The following TMEM150C variants were observed in gnomAD, a reference collection of about 807,000 sequenced individuals.
The protein encoded by TMEM150C is tentonin 3.
In TMEM150C, 10 loss-of-function variants were observed where a neutral mutation model predicts 29.9. The ratio of observed to expected loss-of-function variants is 0.33; its 90% CI spans 0.21 to 0.57. TMEM150C has a LOEUF of 0.57. TMEM150C is among the 20% of genes least tolerant of loss of function. The pLI is 0.88. For synonymous variants in TMEM150C, 101 were observed against 112.5 expected (o/e 0.90, Z 0.64); for missense variants, 251 against 303.6 (o/e 0.83, Z 1.29).
At chr4:82,549,260 C>T (rs903395597) in intron 1 of TMEM150C, among the ~76,000 whole-genome samples, 5 of 152,020 alleles carry the variant, frequency 3.3e-5, no homozygotes, top group African/African-American at 1.2e-4. Flanking sequence ...GGTATATATA[C>T]TATGGAATAT....
chr4:82,559,823 T>A (rs187825614), intron 1 of TMEM150C, among the ~76,000 whole-genome samples: 167 of 152,334 alleles, frequency 1.1e-3, no homozygotes, highest in African/African-American at 3.7e-3. Flanking sequence ...GTTACTGAAC[T>A]GATCCCAAAT....
chr4:82,485,487 C>T lies in TMEM150C; in HGVS notation c.*24G>A. The T allele has an allele frequency of 6.4e-7, 1 of 1,567,288 alleles. No individual in the cohort carries two copies. The highest frequency in any genetic ancestry group is 8.7e-7 in the Non-Finnish European group (1 of 1,153,920). The stretch of plus-strand genomic sequence containing the variant: ...CCCTCCCCCACTGTCACACCCACCT[C>T]ACCAGCAAGGAAAAACTGATGGTTT... On this transcript the variant is annotated 3_prime_UTR_variant, in exon 8 of 8. Transcript: ENST00000449862.
At chr4:82,530,514 G>A (rs551226335) in intron 1 of TMEM150C, among the ~76,000 whole-genome samples, 16 of 152,136 alleles carry the variant, frequency 1.1e-4, no homozygotes, top group Admixed American at 3.9e-4. Flanking sequence ...CCAAGATCGC[G>A]CCACCGCACT....
chr4:82,556,110 G>T (rs762438289), intron 1 of TMEM150C, among the ~76,000 whole-genome samples: 13 of 151,798 alleles, frequency 8.6e-5, no homozygotes, highest in Non-Finnish European at 1.6e-4. Context: ...TTTCTTGGAG[G>T]GGGGATTACA....
intron 1 of TMEM150C, among the ~76,000 whole-genome samples, chr4:82,548,943 G>C (rs754915679): frequency 3.7e-4 from 57 of 152,250 alleles, no homozygotes; most frequent in Non-Finnish European, 1.9e-4. Context: ...AGGTGAGCCA[G>C]AGAGGTGGGC....
intron 1 of TMEM150C, among the ~76,000 whole-genome samples, chr4:82,538,981 C>T (rs1725110255): frequency 6.6e-6 from 1 of 152,100 alleles, no homozygotes; most frequent in African/African-American, 2.4e-5. Flanking sequence ...GTGGGAGGAT[C>T]ACTTGAGCCT....
chr4:82,526,033 T>C (rs1242029007), intron 1 of TMEM150C, among the ~76,000 whole-genome samples: 1 of 152,140 alleles, frequency 6.6e-6, no homozygotes, highest in Non-Finnish European at 1.5e-5. Flanking sequence ...GCCTCCATAA[T>C]AGCTGGGACT....
intron 1 of TMEM150C, among the ~76,000 whole-genome samples, chr4:82,523,014 T>C (rs1158767591): frequency 6.6e-6 from 1 of 152,142 alleles, no homozygotes; most frequent in African/African-American, 2.4e-5. Flanking sequence ...TCAGGAGCCC[T>C]GACCAAAGTT....
intron 1 of TMEM150C, among the ~76,000 whole-genome samples, chr4:82,561,015 C>G (rs1182330447): frequency 1.3e-5 from 2 of 152,208 alleles, no homozygotes; most frequent in African/African-American, 4.8e-5. Flanking sequence ...GAAAGGCGGT[C>G]TGGCCGGAAT....
At position 82,489,009 on chromosome 4, in the gene TMEM150C, TC is replaced by T. The variant is rs1347703869; in HGVS notation, c.541+1051del. 5.5e-5 allele frequency among the ~76,000 whole-genome samples: 8 copies of T among 146,220 alleles called. No individual in the cohort carries two copies. The South Asian group carries it at 1.2e-3, about 22-fold the overall frequency. On this transcript the variant is annotated intron_variant, in intron 7 of 7. Transcript: ENST00000449862. ...GGGCTCAAGCCAGCCCACCTCAGCCTCCCCAGTAGCTGGGATTACAGGTGCT... is the reference window on the plus strand; with the variant it reads ...GGGCTCAAGCCAGCCCACCTCAGCCTCCCAGTAGCTGGGATTACAGGTGCT...
chr4:82,541,288 T>G (rs528089842), intron 1 of TMEM150C, among the ~76,000 whole-genome samples: 1 of 152,304 alleles, frequency 6.6e-6, no homozygotes, highest in South Asian at 2.1e-4. Context: ...GGGTAGATCA[T>G]AGTTGTTCAC....
intron 1 of TMEM150C, among the ~76,000 whole-genome samples, chr4:82,520,648 C>T (rs1049891628): frequency 2.0e-5 from 3 of 152,208 alleles, no homozygotes; most frequent in East Asian, 1.9e-4. Context: ...TATACCAGCA[C>T]GGAGGTGGGT....
At chr4:82,492,864 G>GTGTGTATATATATA (rs71666742) in intron 6 of TMEM150C, among the ~76,000 whole-genome samples, 7 of 90,276 alleles carry the variant, frequency 7.8e-5, no homozygotes, top group South Asian at 3.8e-4. Context: ...ATATGTTTGT[G>GTGTGTATATATATA]TATATATATA....
intron 1 of TMEM150C, among the ~76,000 whole-genome samples, chr4:82,506,648 A>G (rs1412267505): frequency 2.6e-5 from 4 of 152,372 alleles, no homozygotes; most frequent in Non-Finnish European, 5.9e-5. Context: ...AAGCTATTGT[A>G]TGAACTAGTG....
At chr4:82,491,835 T>C (rs192112116) in intron 6 of TMEM150C, among the ~76,000 whole-genome samples, 1 of 152,100 alleles carries the variant, frequency 6.6e-6, no homozygotes, top group East Asian at 1.9e-4. Context: ...CAGCCAATTC[T>C]AGGCAAGTCA....
chr4:82,498,607 A>G (rs1578125406), intron 5 of TMEM150C, among the ~76,000 whole-genome samples: 1 of 152,024 alleles, frequency 6.6e-6, no homozygotes, highest in East Asian at 1.9e-4. Context: ...TTTTTAAATG[A>G]CCACTGAAAA....
chr4:82,557,139 G>A (rs1005419101), intron 1 of TMEM150C, among the ~76,000 whole-genome samples: 8 of 152,086 alleles, frequency 5.3e-5, no homozygotes, highest in South Asian at 4.2e-4. Flanking sequence ...AAAATAATGG[G>A]TTTAATCAAA....
chr4:82,517,087 T>C (rs545543014), intron 1 of TMEM150C, among the ~76,000 whole-genome samples: 8 of 152,326 alleles, frequency 5.3e-5, no homozygotes, highest in African/African-American at 1.9e-4. Flanking sequence ...CTGTTGGTGC[T>C]CCACACACCT....
At chr4:82,493,661 C>T (rs1195386685) in intron 6 of TMEM150C, among the ~76,000 whole-genome samples, 2 of 152,100 alleles carry the variant, frequency 1.3e-5, no homozygotes, top group African/African-American at 4.8e-5. Flanking sequence ...AAGCCCTGGT[C>T]GAGAGAAACA....
Sources: gnomAD v4.1 joint callset for allele counts (sites outside exome capture counted in the v4.1 genomes callset) on GRCh38, gnomAD v4.1.1 for gene constraint, MANE v1.5 for transcripts, NCBI Gene and HGNC (gene_info 2026-07-23, HGNC 2026-07-21) for gene names.